KIAA1217: variants seen among roughly 807,000 people sequenced by gnomAD.
The protein encoded by KIAA1217 is KIAA1217.
Under a neutral mutation model 163.9 loss-of-function variants are expected in KIAA1217, and 88 were observed. The observed-to-expected ratio is 0.54, with a 90% CI of 0.45 to 0.64. KIAA1217 has a LOEUF of 0.64. KIAA1217 is among the 30% of genes least tolerant of loss of function. The pLI is 0.00. For synonymous variants in KIAA1217, 903 were observed against 923.1 expected (o/e 0.98, Z 0.39); for missense variants, 2,372 against 2,475.0 (o/e 0.96, Z 0.88).
chr10:24,521,908 A>G lies in KIAA1217; in HGVS notation c.2435A>G (p.Asp812Gly). Residue 812 changes from aspartate to glycine, a missense_variant, in exon 12 of 21, where the codon GAC (aspartate) becomes GGC (glycine). By Grantham distance (94) the Asp-to-Gly change is moderately conservative. This residue lies in a region of KIAA1217 where 1,431 missense variants were observed against 1,470.3 expected (regional missense o/e 0.97). Coordinates refer to ENST00000376454, the MANE Select transcript of KIAA1217 (RefSeq NM_019590.5). ...SLLKRVRSMT[D>G]VLTMLRRHVT... is the part of the protein sequence containing the mutation. The stretch of plus-strand genomic sequence containing the variant: ...CTGAAGCGTGTGCGCAGCATGACAG[A>G]CGTCCTGACCATGCTGCGGAGGTGA... 4.3e-6 allele frequency: 7 copies of G among 1,612,448 alleles called. No homozygotes were observed. The highest frequency in any genetic ancestry group is 5.9e-6 in the Non-Finnish European group (7 of 1,179,606).
chr10:23,820,931 A>T (rs1367441134), intron 1 of KIAA1217, among the ~76,000 whole-genome samples: 1 of 152,106 alleles, frequency 6.6e-6, no homozygotes, highest in East Asian at 1.9e-4. Context: ...TGTACAAGAG[A>T]TATTCCATTT....
intron 2 of KIAA1217, among the ~76,000 whole-genome samples, chr10:24,358,891 G>T (rs2049494596): frequency 6.6e-6 from 1 of 151,886 alleles, no homozygotes; most frequent in Non-Finnish European, 1.5e-5. Context: ...TACTTGTTTT[G>T]TTTTTTTAAA....
intron 8 of KIAA1217, 46 bp from the exon 9 acceptor site, chr10:24,501,333 C>A (rs1310655519): frequency 1.3e-6 from 2 of 1,574,658 alleles, no homozygotes; most frequent in Non-Finnish European, 1.7e-6. Flanking sequence ...ATAGCTTAGA[C>A]TTTCCTTTGT....
intron 4 of KIAA1217, among the ~76,000 whole-genome samples, chr10:24,436,736 C>T (rs550486336): frequency 7.3e-5 from 8 of 109,880 alleles, no homozygotes; most frequent in African/African-American, 1.4e-4. Context: ...CCAGCCTGGG[C>T]GACAGAGTGA....
At chr10:24,019,409 AAAAAT>A (rs1259764205) in intron 2 of KIAA1217, among the ~76,000 whole-genome samples, 4 of 152,078 alleles carry the variant, frequency 2.6e-5, no homozygotes, top group African/African-American at 9.7e-5. Context: ...AAAAAATTTA[AAAAAT>A]AAAATAAAAA....
chr10:23,950,504 A>C (rs75037486), intron 1 of KIAA1217, among the ~76,000 whole-genome samples: 1 of 151,812 alleles, frequency 6.6e-6, no homozygotes, highest in Non-Finnish European at 1.5e-5. Context: ...GGAAAAAAAA[A>C]CACGTATTGA....
intron 2 of KIAA1217, among the ~76,000 whole-genome samples, chr10:24,236,262 CT>C (rs991346163): frequency 6.6e-6 from 1 of 151,796 alleles, no homozygotes; most frequent in African/African-American, 2.4e-5. Context: ...TTTTCTTTTT[CT>C]TTTTTTCGAC....
intron 2 of KIAA1217, among the ~76,000 whole-genome samples, chr10:24,170,189 A>G (rs1306964706): frequency 6.6e-6 from 1 of 152,230 alleles, no homozygotes; most frequent in Non-Finnish European, 1.5e-5. Flanking sequence ...TGTTGAAAAG[A>G]CTTTATTCTA....
At position 24,528,023 on chromosome 10, in the gene KIAA1217, G is replaced by T. The variant is rs1217353800; in HGVS notation, c.2986G>T (p.Ala996Ser). The change falls in exon 14 of 21, where the codon GCC becomes TCC. Residue 996 changes from alanine to serine, a missense_variant. Ala to Ser is a moderately conservative substitution (Grantham distance 99). Around this residue, in one of 3 missense-constraint regions of KIAA1217, gnomAD observed 1,431 missense variants for 1,470.3 expected, o/e 0.97. Transcript: ENST00000376454. ...TGAGAAGCTCCTAGAAGAAGCTCAG[G>T]CCAATATCATGAAGTCAATACCAAA... ...EFEKLLEEAQ[A>S]NIMKSIPNLE... is the part of the protein sequence containing the mutation. 4 of 1,614,016 alleles carry T rather than the reference G, an allele frequency of 2.5e-6. No homozygotes were observed. In the African/African-American group the frequency reaches 5.3e-5, roughly 22 times the overall value.
chr10:23,822,276 C>T (rs1383725213), intron 1 of KIAA1217, among the ~76,000 whole-genome samples: 2 of 152,086 alleles, frequency 1.3e-5, no homozygotes, highest in African/African-American at 4.8e-5. Flanking sequence ...TTCTGGAAGC[C>T]CTAAACTCAG....
At chr10:24,044,412 G>C (rs1180873109) in intron 2 of KIAA1217, among the ~76,000 whole-genome samples, 2 of 152,066 alleles carry the variant, frequency 1.3e-5, no homozygotes, top group Non-Finnish European at 2.9e-5. Flanking sequence ...TGGTCCACAA[G>C]GTTTAGCTTA....
At chr10:23,772,012 A>G (rs1222097077) in intron 1 of KIAA1217, among the ~76,000 whole-genome samples, 2 of 152,242 alleles carry the variant, frequency 1.3e-5, no homozygotes, top group African/African-American at 4.8e-5. Flanking sequence ...ACATGAGCCC[A>G]TCATATTTTA....
chr10:24,520,528 T>A lies in KIAA1217; in HGVS notation c.2308+275T>A, dbSNP rs117030601. On this transcript the variant is annotated intron_variant, in intron 11 of 20. Coordinates refer to ENST00000376454, the MANE Select transcript of KIAA1217 (RefSeq NM_019590.5). ...GCTAGGCTCTTACAGTGCACCGGGATGCATGTGCCAAACCCGTTAAAAACA... is the reference window on the plus strand; with the variant it reads ...GCTAGGCTCTTACAGTGCACCGGGAAGCATGTGCCAAACCCGTTAAAAACA... 9.8e-4 allele frequency among the ~76,000 whole-genome samples: 145 copies of A among 148,544 alleles called. 3 individuals carry two copies. The East Asian group carries it at 0.025, about 26-fold the overall frequency.
chr10:23,784,269 A>G (rs1835390808), intron 1 of KIAA1217, among the ~76,000 whole-genome samples: 1 of 152,042 alleles, frequency 6.6e-6, no homozygotes, highest in Non-Finnish European at 1.5e-5. Flanking sequence ...TTCTCTTTGC[A>G]TGGAATATTT....
intron 1 of KIAA1217, among the ~76,000 whole-genome samples, chr10:23,797,758 C>T (rs1011547205): frequency 3.9e-5 from 6 of 152,176 alleles, no homozygotes; most frequent in Admixed American, 3.3e-4. Flanking sequence ...CATCACCTCC[C>T]ACCAGGTCCC....
intron 3 of KIAA1217, among the ~76,000 whole-genome samples, chr10:24,424,401 A>G (rs74921054): frequency 0.02 from 3,014 of 152,336 alleles, 97 homozygotes; most frequent in African/African-American, 0.069. Context: ...AACACAGAGG[A>G]TGACCAGAAA....
intron 1 of KIAA1217, among the ~76,000 whole-genome samples, chr10:23,732,453 A>C (rs72771450): frequency 0.054 from 8,152 of 152,244 alleles, 325 homozygotes; most frequent in Middle Eastern, 0.11. Flanking sequence ...TAGCATTTGC[A>C]TTGTATTAGG....
chr10:24,104,139 T>A (rs537599724), intron 2 of KIAA1217, among the ~76,000 whole-genome samples: 2 of 152,196 alleles, frequency 1.3e-5, no homozygotes, highest in South Asian at 4.2e-4. Flanking sequence ...TTTTACCATG[T>A]GATCCAACAA....
chr10:24,232,935 C>CAAAAAAAAAAAAAAAA (rs908492411), intron 2 of KIAA1217, among the ~76,000 whole-genome samples: 5 of 56,318 alleles, frequency 8.9e-5, no homozygotes, highest in East Asian at 6.4e-4. Flanking sequence ...CTTATCTCTA[C>CAAAAAAAAAAAAAAAA]AAAAAAAAAA....
Sources: gnomAD v4.1 joint callset for allele counts (sites outside exome capture counted in the v4.1 genomes callset) on GRCh38, gnomAD v4.1.1 for gene constraint, gnomAD v4.1.1 regional missense constraint, MANE v1.5 for transcripts, NCBI Gene and HGNC (gene_info 2026-07-23, HGNC 2026-07-21) for gene names.